Variants in CCDC157 observed in about 807,000 individuals in gnomAD.
CCDC157 encodes coiled-coil domain-containing protein 157.
Under a neutral mutation model 70.9 loss-of-function variants are expected in CCDC157, and 60 were observed. That is an observed-to-expected ratio of 0.85 (90% CI 0.69 to 1.05). The LOEUF is 1.05. CCDC157 is among the 50% of genes least tolerant of loss of function. The pLI is 0.00. For missense variants in CCDC157, 943 were observed against 984.2 expected (o/e 0.96, Z 0.56); for synonymous variants, 373 against 422.4 (o/e 0.88, Z 1.43).
At chr22:30,359,573 C>G (rs1198291382) in intron 1 of CCDC157, among the ~76,000 whole-genome samples, 1 of 152,166 alleles carries the variant, frequency 6.6e-6, no homozygotes, top group Non-Finnish European at 1.5e-5. Flanking sequence ...TCTGCACCGT[C>G]CAATACAGTA....
At chr22:30,367,903 T>C (rs986384898) in intron 3 of CCDC157, among the ~76,000 whole-genome samples, 1 of 152,044 alleles carries the variant, frequency 6.6e-6, no homozygotes. Flanking sequence ...ATACAAAAAT[T>C]AGCCAGGCGT....
chr22:30,373,511 G>A lies in CCDC157; in HGVS notation c.1336-86G>A, dbSNP rs1933095228. ...CCAGGGGGGTAGCAGCCGAGGGGTA[G>A]TAGATGCTGTAGCCTCCTTAGTTCC... is the stretch of plus-strand genomic sequence containing the variant. On this transcript the variant is annotated intron_variant, in intron 7 of 11. Coordinates refer to ENST00000338306, the MANE Select transcript of CCDC157 (RefSeq NM_001017437.5). The A allele has an allele frequency of 2.8e-6, 4 of 1,433,244 alleles. No individual in the cohort carries two copies. In the African/African-American group the frequency reaches 5.7e-5, roughly 20 times the overall value. The allele number at this position is 1,433,244 out of a possible 1,614,324, so 88.8% of individuals were successfully genotyped here. A position where few individuals can be genotyped will look rare whatever the true frequency, so the allele number is the denominator to read the frequency against.
At position 30,363,145 on chromosome 22, in the gene CCDC157, C is replaced by T. The variant is rs1490688904; in HGVS notation, c.-12+1031C>T. Among the ~76,000 whole-genome samples the T allele has an allele frequency of 4.6e-5, 7 of 152,208 alleles. No individual in the cohort carries two copies. In the East Asian group the frequency reaches 9.6e-4, roughly 21 times the overall value. ...TGAAACCAGCTGCCAGCTCACACCC[C>T]AGCCCTGCTGGAGGGTGATAAGTCA... On this transcript the variant is annotated intron_variant, in intron 2 of 11. Coordinates refer to ENST00000338306, the MANE Select transcript of CCDC157 (RefSeq NM_001017437.5).
At chr22:30,375,797 C>T (rs1933311630) in intron 10 of CCDC157, 134 bp downstream of exon 10, 10 of 751,530 alleles carry the variant, frequency 1.3e-5, no homozygotes, top group Admixed American at 6.2e-5. Flanking sequence ...TTTTGTGAAA[C>T]ATTTTTCACA....
intron 2 of CCDC157, among the ~76,000 whole-genome samples, chr22:30,365,179 T>C (rs922047195): frequency 4.6e-5 from 7 of 152,148 alleles, no homozygotes; most frequent in African/African-American, 1.7e-4. Flanking sequence ...GGAGGTAATA[T>C]CCAGGAACCC....
chr22:30,374,893 C>A, intron 9 of CCDC157: 1 of 276,564 alleles, frequency 3.6e-6, no homozygotes. Context: ...TGGCTGTAGC[C>A]TGTCCAAAAC....
At position 30,373,937 on chromosome 22, in the gene CCDC157, C is replaced by G; in HGVS notation, c.1518C>G (p.Ser506Arg). Residue 506 changes from serine (S) to arginine (R), a missense_variant, in exon 9 of 12, where the codon AGC (serine) becomes AGG (arginine). Coordinates refer to ENST00000338306, the MANE Select transcript of CCDC157 (RefSeq NM_001017437.5). ...GTCTGTCCCAGGAGCTGCTGCAGAGCCTGCAGAGGGAGAAGCAAGGCCTGG... is the reference window on the plus strand; with the variant it reads ...GTCTGTCCCAGGAGCTGCTGCAGAGGCTGCAGAGGGAGAAGCAAGGCCTGG... ...QLRAQQELLQ[S>R]LQREKQGLEQ... is the part of the protein sequence containing the mutation. 1.9e-6 allele frequency: 3 copies of G among 1,611,036 alleles called. No individual in the cohort carries two copies. The highest frequency in any genetic ancestry group is 2.5e-6 in the Non-Finnish European group (3 of 1,178,772).
At chr22:30,374,569 G>A (rs1343370622) in intron 9 of CCDC157, 4 of 457,906 alleles carry the variant, frequency 8.7e-6, no homozygotes, top group South Asian at 6.2e-5. Context: ...AGGTGACCTG[G>A]GTTCTCCCAG....
At chr22:30,358,016 C>T (rs530287453) in intron 1 of CCDC157, among the ~76,000 whole-genome samples, 1 of 152,154 alleles carries the variant, frequency 6.6e-6, no homozygotes, top group Non-Finnish European at 1.5e-5. Context: ...GCAAGCTATG[C>T]GGCTCGCTCC....
chr22:30,375,582 C>A lies in CCDC157; in HGVS notation c.1776C>A (p.Ile592=), dbSNP rs752478237. The part of the protein sequence containing the change: ...ERQVQSNDIR[I]RVLQEENGRL... ...AAGTGCAGTCCAACGACATCCGCAT[C>A]CGGGTCCTACAGGAGGAGAACGGGC... Residue 592 remains isoleucine (I), a synonymous_variant, in exon 10 of 12, where the codon ATC becomes ATA. Coordinates refer to ENST00000338306, the MANE Select transcript of CCDC157 (RefSeq NM_001017437.5). 3 of 1,614,194 alleles carry A rather than the reference C, an allele frequency of 1.9e-6. No homozygotes were observed. Among genetic ancestry groups the A allele is most frequent in the South Asian group, 2.2e-5 (2 of 91,086 alleles).
chr22:30,371,569 C>T, intron 5 of CCDC157, 81 bp from the exon 6 acceptor site: 1 of 1,195,488 alleles, frequency 8.4e-7, no homozygotes. Context: ...GCTGCCTCCA[C>T]TCCACGGGGC....
intron 2 of CCDC157, among the ~76,000 whole-genome samples, chr22:30,362,971 C>T (rs936808071): frequency 6.6e-6 from 1 of 152,186 alleles, no homozygotes; most frequent in African/African-American, 2.4e-5. Context: ...GCTGCCCAAG[C>T]AGCCCCTGCT....
chr22:30,376,191 C>T, intron 10 of CCDC157, 68 bp from the exon 11 acceptor site: 1 of 1,436,528 alleles, frequency 7.0e-7, no homozygotes, highest in Non-Finnish European at 9.7e-7. Flanking sequence ...GGCTACGACA[C>T]CCTCTCTGTA....
In CCDC157 at chr22:30,364,877, A is replaced by T. The variant is rs146325823; in HGVS notation, c.-11-1113A>T. On this transcript the variant is annotated intron_variant, in intron 2 of 11. Coordinates refer to ENST00000338306, the MANE Select transcript of CCDC157 (RefSeq NM_001017437.5). ...CTTCTCTGTCACCGCTGGTGACAAT[A>T]GGTCTTAATGCAAGTTTTCATGTTT... Among the ~76,000 whole-genome samples the T allele has an allele frequency of 2.9e-3, 434 of 151,640 alleles. 3 individuals are homozygous for T. Among genetic ancestry groups the T allele is most frequent in the African/African-American group, 9.5e-3 (392 of 41,432 alleles).
chr22:30,371,229 T>TG, intron 5 of CCDC157: 3 of 537,010 alleles, frequency 5.6e-6, no homozygotes, highest in Non-Finnish European at 6.7e-6. Context: ...TGTATCCACT[T>TG]GCACTGTCAG....
chr22:30,365,143 AGGG>A (rs1347083576), intron 2 of CCDC157, among the ~76,000 whole-genome samples: 2 of 152,154 alleles, frequency 1.3e-5, no homozygotes, highest in Non-Finnish European at 2.9e-5. Flanking sequence ...GCCAGCATGG[AGGG>A]TACTCAGGGA....
chr22:30,356,681 C>G (rs1304629341), upstream of CCDC157: 2 of 1,362,638 alleles, frequency 1.5e-6, no homozygotes, highest in African/African-American at 1.5e-5. Context: ...GAGTAAGGAG[C>G]GCCCAGGCCA....
At chr22:30,369,355 C>T in intron 3 of CCDC157, 77 bp from the exon 4 acceptor site, 1 of 1,290,616 alleles carries the variant, frequency 7.7e-7, no homozygotes, top group Non-Finnish European at 1.0e-6. Flanking sequence ...TTCCCCAGAG[C>T]CAGAGCTGCG....
upstream of CCDC157, chr22:30,356,668 T>C (rs1194442789): frequency 2.2e-5 from 28 of 1,279,618 alleles, no homozygotes; most frequent in Admixed American, 1.8e-4. Context: ...CTTATTCCTG[T>C]GCGAGTAAGG....
Sources: gnomAD v4.1 joint callset for allele counts (sites outside exome capture counted in the v4.1 genomes callset) on GRCh38, gnomAD v4.1.1 for gene constraint, MANE v1.5 for transcripts, NCBI Gene and HGNC (gene_info 2026-07-23, HGNC 2026-07-21) for gene names.